NFIB: variants seen among roughly 807,000 people sequenced by gnomAD.
The protein encoded by NFIB is nuclear factor I B.
Under a neutral mutation model 61.5 loss-of-function variants are expected in NFIB, and 11 were observed. That is an observed-to-expected ratio of 0.18 (90% CI 0.11 to 0.30). The LOEUF is 0.30. NFIB is among the 10% of genes least tolerant of loss of function. NFIB has a pLI of 1.00. For synonymous variants in NFIB, 260 were observed against 216.5 expected (o/e 1.20, Z -1.76); for missense variants, 471 against 608.9 (o/e 0.77, Z 2.38).
rs142279061 is a variant in NFIB, at chr9:14,197,622, CT to C, written c.563-17843del. On this transcript the variant is annotated intron_variant, in intron 2 of 10. Coordinates refer to ENST00000380953, the MANE Select transcript of NFIB (RefSeq NM_001190737.2). ...AAAAGGGAGCTTAAGAAAAAATATG[CT>C]GTTTATTTTCAACAGAAGATGCTGA... Among the ~76,000 whole-genome samples the C allele has an allele frequency of 3.8e-3, 573 of 152,228 alleles. 4 individuals carry two copies. The highest frequency in any genetic ancestry group is 0.013 in the African/African-American group (554 of 41,520).
intron 2 of NFIB, among the ~76,000 whole-genome samples, chr9:14,242,371 C>G (rs573118988): frequency 4.6e-5 from 7 of 152,148 alleles, no homozygotes; most frequent in Non-Finnish European, 8.8e-5. Flanking sequence ...TTCAGACTTA[C>G]AAAAGTTATT....
intron 2 of NFIB, among the ~76,000 whole-genome samples, chr9:14,233,170 C>G (rs555910468): frequency 1.6e-4 from 24 of 152,266 alleles, no homozygotes; most frequent in African/African-American, 5.8e-4. Context: ...TGTAGTTTAG[C>G]CATAAAGATA....
intron 1 of NFIB, among the ~76,000 whole-genome samples, chr9:14,331,299 G>A (rs780701968): frequency 3.9e-5 from 6 of 152,158 alleles, no homozygotes; most frequent in Non-Finnish European, 8.8e-5. Context: ...CAAGCCCGTT[G>A]CCATAGCTTA....
the NFIB span, among the ~76,000 whole-genome samples, chr9:14,500,467 G>C: frequency 6.6e-6 from 1 of 152,118 alleles, no homozygotes; most frequent in Non-Finnish European, 1.5e-5. Flanking sequence ...GAGACTTCTA[G>C]TGAGAGTTGC....
chr9:14,468,304 A>G, the NFIB span, among the ~76,000 whole-genome samples: 1 of 152,198 alleles, frequency 6.6e-6, no homozygotes, highest in Admixed American at 6.5e-5. Flanking sequence ...ATGCTTGTAA[A>G]ATGCTAATTA....
chr9:14,315,083 G>A (rs992058978), upstream of NFIB, among the ~76,000 whole-genome samples: 10 of 152,078 alleles, frequency 6.6e-5, no homozygotes, highest in Non-Finnish European at 8.8e-5. Context: ...GGAAAAGGGG[G>A]AGGCCGAGCA....
the NFIB span, among the ~76,000 whole-genome samples, chr9:14,510,826 T>C: frequency 1.5e-4 from 23 of 152,330 alleles, no homozygotes; most frequent in African/African-American, 5.5e-4. Context: ...CTATGTGTTT[T>C]TTTATGTTCT....
intron 1 of NFIB, among the ~76,000 whole-genome samples, chr9:14,347,851 G>A (rs572501533): frequency 6.6e-6 from 1 of 152,250 alleles, no homozygotes; most frequent in East Asian, 1.9e-4. Flanking sequence ...TTCTCTCGCC[G>A]AGGGTCCCAG....
chr9:14,388,922 A>T (rs758988927), intron 1 of NFIB, among the ~76,000 whole-genome samples: 4 of 152,198 alleles, frequency 2.6e-5, no homozygotes, highest in Non-Finnish European at 5.9e-5. Context: ...TGTATATTAG[A>T]ATTACAAGGA....
At chr9:14,409,080 G>C in the NFIB span, among the ~76,000 whole-genome samples, 1 of 152,068 alleles carries the variant, frequency 6.6e-6, no homozygotes, top group Non-Finnish European at 1.5e-5. Flanking sequence ...TCTGTGGTGG[G>C]GAAGAAGCCC....
chr9:14,262,351 C>T (rs2056835280), intron 2 of NFIB, among the ~76,000 whole-genome samples: 1 of 152,174 alleles, frequency 6.6e-6, no homozygotes, highest in Non-Finnish European at 1.5e-5. Context: ...GTTTTGCCTC[C>T]AGTAAAACTA....
At chr9:14,376,551 C>G (rs540780080) in intron 1 of NFIB, among the ~76,000 whole-genome samples, 1 of 147,078 alleles carries the variant, frequency 6.8e-6, no homozygotes, top group African/African-American at 2.6e-5. Context: ...GGGTTTCACT[C>G]TGTCGTTCAG....
chr9:14,099,965 T>C (rs1207766177), intron 10 of NFIB, among the ~76,000 whole-genome samples: 2 of 151,912 alleles, frequency 1.3e-5, no homozygotes, highest in Non-Finnish European at 2.9e-5. Flanking sequence ...CCAGCTACTC[T>C]GGTAGCTGAG....
the NFIB span, among the ~76,000 whole-genome samples, chr9:14,430,207 TACTC>T: frequency 3.5e-4 from 53 of 152,350 alleles, 1 homozygote; most frequent in East Asian, 7.1e-3. Context: ...TTAATTCAGG[TACTC>T]AATTACAGTT....
intron 2 of NFIB, among the ~76,000 whole-genome samples, chr9:14,266,015 G>A (rs527675141): frequency 1.3e-5 from 2 of 152,282 alleles, no homozygotes; most frequent in South Asian, 4.1e-4. Flanking sequence ...GTCAGGCAAA[G>A]GGAGAGGATG....
At chr9:14,148,168 G>A (rs542583606) in intron 5 of NFIB, among the ~76,000 whole-genome samples, 10 of 152,100 alleles carry the variant, frequency 6.6e-5, no homozygotes, top group Non-Finnish European at 4.4e-5. Context: ...TGTTGTCCAG[G>A]CTGGAGTGCA....
the NFIB span, among the ~76,000 whole-genome samples, chr9:14,430,709 G>A: frequency 1.3e-5 from 2 of 152,124 alleles, no homozygotes; most frequent in African/African-American, 4.8e-5. Flanking sequence ...CGCCTCCCAA[G>A]TAGCTGGGAT....
At chr9:14,485,000 G>C in the NFIB span, among the ~76,000 whole-genome samples, 13,748 of 152,204 alleles carry the variant, frequency 0.09, 771 homozygotes, top group Non-Finnish European at 0.12. Flanking sequence ...ACATGACAGA[G>C]AGAGAGAGAA....
At chr9:14,384,227 G>A in intron 1 of NFIB, among the ~76,000 whole-genome samples, 1 of 152,080 alleles carries the variant, frequency 6.6e-6, no homozygotes, top group Non-Finnish European at 1.5e-5. Flanking sequence ...CCCCACCCCT[G>A]TTACAAGAGA....
Sources: allele counts gnomAD v4.1 joint callset (sites outside exome capture counted in the v4.1 genomes callset), GRCh38; gene constraint gnomAD v4.1.1; transcripts MANE v1.5; gene names NCBI Gene and HGNC (gene_info 2026-07-23, HGNC 2026-07-21).